The following LAPTM4A variants were observed in gnomAD, a reference collection of about 807,000 sequenced individuals.
LAPTM4A encodes the protein lysosomal-associated transmembrane protein 4A.
Under a neutral mutation model 29.9 loss-of-function variants are expected in LAPTM4A, and 19 were observed. The observed-to-expected ratio is 0.64, with a 90% CI of 0.44 to 0.93. The LOEUF is 0.93. LAPTM4A is among the 40% of genes least tolerant of loss of function. LAPTM4A has a pLI of 0.00. For missense variants in LAPTM4A, 293 were observed against 288.5 expected (o/e 1.02, Z -0.11); for synonymous variants, 105 against 102.1 (o/e 1.03, Z -0.17).
rs1382765194 is a variant in LAPTM4A, at chr2:20,034,986, G to T, written c.509C>A (p.Ala170Asp). 1 of 1,611,688 alleles carries T rather than the reference G, an allele frequency of 6.2e-7. No individual in the cohort carries two copies. Among genetic ancestry groups the T allele is most frequent in the Non-Finnish European group, 8.5e-7 (1 of 1,178,368 alleles). Residue 170 changes from alanine to aspartate, a missense_variant, in exon 5 of 7, where the codon GCC becomes GAC. Physicochemically the swap from Ala to Asp is moderately radical, Grantham distance 126. Transcript: ENST00000175091. ...CLLFIVLVFF[A>D]LFIIFKAYLI... ...ACGTACCTTAAAAATGATGAATAAGGCAAAGAACACAAGAACAATGAACAG... is the reference window on the plus strand; with the variant it reads ...ACGTACCTTAAAAATGATGAATAAGTCAAAGAACACAAGAACAATGAACAG...
intron 1 of LAPTM4A, among the ~76,000 whole-genome samples, chr2:20,047,461 C>A (rs1303208206): frequency 1.3e-5 from 2 of 148,474 alleles, no homozygotes; most frequent in East Asian, 2.0e-4. Context: ...GAGGCCGAGG[C>A]GGGTGGATCA....
intron 1 of LAPTM4A, among the ~76,000 whole-genome samples, chr2:20,048,495 A>G (rs1673984534): frequency 6.6e-6 from 1 of 152,222 alleles, no homozygotes; most frequent in Non-Finnish European, 1.5e-5. Context: ...CATACAATGA[A>G]TATTTTAGTA....
At chr2:20,045,307 A>G (rs1198180366) in intron 1 of LAPTM4A, among the ~76,000 whole-genome samples, 4 of 152,192 alleles carry the variant, frequency 2.6e-5, no homozygotes, top group African/African-American at 9.7e-5. Context: ...TGTAATTTAA[A>G]AAGAATGATT....
In LAPTM4A at chr2:20,040,908, G is replaced by C; in HGVS notation, c.215C>G (p.Ser72Trp). ...ACACATACCAGCCATTCTCTCAGACGAATAGTAATTACCGATGACTTCATA... is the reference window on the plus strand; with the variant it reads ...ACACATACCAGCCATTCTCTCAGACCAATAGTAATTACCGATGACTTCATA... The part of the protein sequence containing the change: ...IQYEVIGNYY[S>W]SERMADNACV... The change falls in exon 2 of 7, where the codon TCG becomes TGG. Residue 72 changes from serine to tryptophan, a missense_variant. Physicochemically the swap from Ser to Trp is radical, Grantham distance 177 (BLOSUM62 -3). Transcript: ENST00000175091. 6.2e-7 allele frequency: 1 copy of C among 1,613,532 alleles called. No homozygotes were observed. Among genetic ancestry groups the C allele is most frequent in the Non-Finnish European group, 8.5e-7 (1 of 1,179,562 alleles).
intron 1 of LAPTM4A, among the ~76,000 whole-genome samples, chr2:20,043,458 C>T (rs367700403): frequency 8.5e-5 from 13 of 152,264 alleles, no homozygotes; most frequent in African/African-American, 2.9e-4. Context: ...TCAAGTGATC[C>T]ACCAGCCTTG....
Position 20,033,217 on chromosome 2 carries a change from G to A in LAPTM4A, c.690C>T (p.Tyr230=), listed in dbSNP as rs1673600920. 1.9e-6 allele frequency: 3 copies of A among 1,613,884 alleles called. No homozygotes were observed. Among genetic ancestry groups the A allele is most frequent in the Non-Finnish European group, 2.5e-6 (3 of 1,179,872 alleles). The change falls in exon 7 of 7, where the codon TAC becomes TAT. Residue 230 remains tyrosine (Y), a synonymous_variant. Transcript: ENST00000175091. ...KMPEKEPPPP[Y]LPA ...AGGCAGAATTTCTTCAGGCAGGTAA[G>A]TAAGGAGGTGGTGGTTCTTTTTCAG...
At chr2:20,034,718 T>A (rs1049559611) in intron 5 of LAPTM4A, among the ~76,000 whole-genome samples, 3 of 152,180 alleles carry the variant, frequency 2.0e-5, no homozygotes, top group Admixed American at 2.0e-4. Context: ...TCAATACAAA[T>A]CATGAACCCC....
At chr2:20,038,806 T>G (rs1032457693) in intron 2 of LAPTM4A, among the ~76,000 whole-genome samples, 4 of 152,060 alleles carry the variant, frequency 2.6e-5, no homozygotes, top group Non-Finnish European at 4.4e-5. Context: ...AGCAAGACCC[T>G]GTATGCACAA....
At chr2:20,033,357 T>C in intron 6 of LAPTM4A, 78 bp from the exon 7 acceptor site, 2 of 1,150,136 alleles carry the variant, frequency 1.7e-6, no homozygotes, top group Non-Finnish European at 2.6e-6. Flanking sequence ...TTTCAGACTT[T>C]ATGCCCTAAA....
In LAPTM4A at chr2:20,051,059, A is replaced by T. The variant is rs188978469; in HGVS notation, c.111+351T>A. ...GAGGAAGGGAGATGCTGCCTTTCAG[A>T]TCGTAGAAATACAACAAGAACCAAA... On this transcript the variant is annotated intron_variant, in intron 1 of 6. Transcript: ENST00000175091. Among the ~76,000 whole-genome samples, 15 of 152,286 alleles carry T rather than the reference A, an allele frequency of 9.8e-5. No homozygotes were observed. The East Asian group carries it at 2.9e-3, about 29-fold the overall frequency.
intron 4 of LAPTM4A, 63 bp from the exon 5 acceptor site, chr2:20,035,125 G>A (rs1673653800): frequency 9.2e-7 from 1 of 1,083,978 alleles, no homozygotes; most frequent in South Asian, 1.3e-5. Context: ...CTGATAACCT[G>A]AAGAGCATCT....
chr2:20,041,815 C>T (rs933800934), intron 1 of LAPTM4A, among the ~76,000 whole-genome samples: 1 of 152,166 alleles, frequency 6.6e-6, no homozygotes, highest in Non-Finnish European at 1.5e-5. Flanking sequence ...GTATTACAGG[C>T]GTGAGCCACC....
At chr2:20,037,262 A>C in intron 4 of LAPTM4A, 54 bp downstream of exon 4, 1 of 1,423,264 alleles carries the variant, frequency 7.0e-7, no homozygotes, top group Non-Finnish European at 9.6e-7. Context: ...ATTTAAATGT[A>C]AACATTTTAC....
At chr2:20,048,901 A>G (rs771052505) in intron 1 of LAPTM4A, among the ~76,000 whole-genome samples, 18 of 152,250 alleles carry the variant, frequency 1.2e-4, no homozygotes, top group Non-Finnish European at 2.5e-4. Context: ...GTCTTGCATC[A>G]TAAGTGTTAC....
At chr2:20,034,189 TA>T (rs1328841921) in intron 6 of LAPTM4A, 127 bp downstream of exon 6, 2 of 719,982 alleles carry the variant, frequency 2.8e-6, no homozygotes, top group East Asian at 2.5e-5. Context: ...AAGCTGTTCA[TA>T]AAAGTACCCA....
rs537714837 is a variant in LAPTM4A, at chr2:20,041,488, G to C, written c.112-477C>G. ...TGCTTAAGAGACTTACCAAGATACTGAAAGTCACTTATCTACTAGTCTTAC... is the reference window on the plus strand; with the variant it reads ...TGCTTAAGAGACTTACCAAGATACTCAAAGTCACTTATCTACTAGTCTTAC... On this transcript the variant is annotated intron_variant, in intron 1 of 6. Coordinates refer to ENST00000175091, the MANE Select transcript of LAPTM4A (RefSeq NM_014713.5). Among the ~76,000 whole-genome samples, 4 of 152,222 alleles carry C rather than the reference G, an allele frequency of 2.6e-5. No homozygotes were observed. In the East Asian group the frequency reaches 7.7e-4, roughly 29 times the overall value.
At chr2:20,043,418 G>A (rs947322310) in intron 1 of LAPTM4A, among the ~76,000 whole-genome samples, 20 of 152,044 alleles carry the variant, frequency 1.3e-4, no homozygotes, top group Non-Finnish European at 2.5e-4. Context: ...GTTTCGCCAC[G>A]TTGGCCAGGC....
At chr2:20,049,559 T>A (rs1348928359) in intron 1 of LAPTM4A, among the ~76,000 whole-genome samples, 1 of 152,236 alleles carries the variant, frequency 6.6e-6, no homozygotes, top group African/African-American at 2.4e-5. Flanking sequence ...AGTTCCCACT[T>A]TATCCTGCTA....
intron 4 of LAPTM4A, among the ~76,000 whole-genome samples, chr2:20,036,371 T>A (rs545042804): frequency 6.6e-6 from 1 of 152,356 alleles, no homozygotes; most frequent in Admixed American, 6.5e-5. Flanking sequence ...CTGAGTACAA[T>A]TCAAATCTCA....
Sources: gnomAD v4.1 joint callset for allele counts (sites outside exome capture counted in the v4.1 genomes callset) on GRCh38, gnomAD v4.1.1 for gene constraint, MANE v1.5 for transcripts, NCBI Gene and HGNC (gene_info 2026-07-23, HGNC 2026-07-21) for gene names.